The following PPP2R5E variants were observed in gnomAD, a reference collection of about 807,000 sequenced individuals.
The protein encoded by PPP2R5E is serine/threonine-protein phosphatase 2A 56 kDa regulatory subunit epsilon isoform.
Under a neutral mutation model 65.3 loss-of-function variants are expected in PPP2R5E, and 4 were observed. The ratio of observed to expected loss-of-function variants is 0.06; its 90% CI spans 0.03 to 0.14. The LOEUF (loss-of-function observed/expected upper bound fraction) is 0.14, where lower values mean the gene tolerates loss of function less well. PPP2R5E is among the 10% of genes least tolerant of loss of function. The pLI is 1.00. For missense variants in PPP2R5E, 274 were observed against 556.1 expected, an observed-to-expected ratio of 0.49 and a Z score of 5.10; for synonymous variants, 183 against 187.4, an observed-to-expected ratio of 0.98 and a Z score of 0.19.
intron 10 of PPP2R5E, 103 bp downstream of exon 10, chr14:63,391,714 C>T (rs188748215): frequency 2.5e-4 from 323 of 1,280,678 alleles, no homozygotes; most frequent in Non-Finnish European, 3.4e-4. Context: ...TGAGCCACTG[C>T]GCCCAGCCCT....
intron 2 of PPP2R5E, among the ~76,000 whole-genome samples, chr14:63,481,311 C>G (rs1890686094): frequency 6.6e-6 from 1 of 152,010 alleles, no homozygotes; most frequent in African/African-American, 2.4e-5. Context: ...AGCTGGCCAA[C>G]ATGCTGAAAC....
intron 12 of PPP2R5E, among the ~76,000 whole-genome samples, chr14:63,382,639 G>C (rs1884433933): frequency 6.6e-6 from 1 of 151,962 alleles, no homozygotes; most frequent in Non-Finnish European, 1.5e-5. Context: ...AACCTCAGGT[G>C]ATCTGCCTGC....
intron 2 of PPP2R5E, among the ~76,000 whole-genome samples, chr14:63,462,267 T>G (rs1011237593): frequency 6.6e-6 from 1 of 152,106 alleles, no homozygotes; most frequent in African/African-American, 2.4e-5. Context: ...AGATGGAGTT[T>G]CACCGTGTTA....
intron 2 of PPP2R5E, among the ~76,000 whole-genome samples, chr14:63,483,734 A>G (rs1234201280): frequency 6.6e-6 from 1 of 152,124 alleles, no homozygotes. Context: ...TTCCCACAAT[A>G]GGAAGAAAGG....
At chr14:63,459,850 C>T (rs1277137246) in intron 2 of PPP2R5E, among the ~76,000 whole-genome samples, 1 of 152,158 alleles carries the variant, frequency 6.6e-6, no homozygotes, top group Non-Finnish European at 1.5e-5. Flanking sequence ...TTAAAGCTAG[C>T]AGTGAAAACT....
chr14:63,483,896 A>G (rs1890839249), intron 2 of PPP2R5E, among the ~76,000 whole-genome samples: 1 of 152,120 alleles, frequency 6.6e-6, no homozygotes, highest in South Asian at 2.1e-4. Flanking sequence ...CAGCCTGGCC[A>G]ATATGGTGAA....
chr14:63,438,757 G>T (rs1888060851), intron 3 of PPP2R5E, among the ~76,000 whole-genome samples: 1 of 152,146 alleles, frequency 6.6e-6, no homozygotes, highest in Non-Finnish European at 1.5e-5. Context: ...GGCTTCCTGA[G>T]TAAAAACCCT....
At chr14:63,380,994 C>T (rs901001443) in intron 13 of PPP2R5E, among the ~76,000 whole-genome samples, 2 of 152,234 alleles carry the variant, frequency 1.3e-5, no homozygotes, top group East Asian at 1.9e-4. Context: ...TATGAACACT[C>T]GCACACATCT....
At chr14:63,450,576 A>G (rs1888766965) in intron 3 of PPP2R5E, among the ~76,000 whole-genome samples, 1 of 152,230 alleles carries the variant, frequency 6.6e-6, no homozygotes, top group Non-Finnish European at 1.5e-5. Flanking sequence ...GTATAATCCA[A>G]TGACATCCAA....
chr14:63,509,335 C>T lies in PPP2R5E; in HGVS notation c.157+30194G>A, dbSNP rs531882185. ...TATCACCCAGGCTGGAGTGCAGTGG[C>T]GCGATCTCAGCTCACTGCAACTTCT... On this transcript the variant is annotated intron_variant, in intron 2 of 13. Coordinates refer to ENST00000337537, the MANE Select transcript of PPP2R5E (RefSeq NM_006246.5). 1.8e-4 allele frequency among the ~76,000 whole-genome samples: 25 copies of T among 135,176 alleles called. No individual in the cohort carries two copies. The South Asian group carries it at 3.0e-3, about 16-fold the overall frequency. The allele number at this position is 135,176 out of a possible 152,430, so 88.7% of individuals were successfully genotyped here.
At chr14:63,396,496 G>A (rs1054447239) in intron 6 of PPP2R5E, 90 bp downstream of exon 6, 7 of 1,491,000 alleles carry the variant, frequency 4.7e-6, no homozygotes, top group Non-Finnish European at 6.4e-6. Flanking sequence ...AGAGAAGTCA[G>A]TACACCGTTT....
chr14:63,533,420 G>A (rs935772058), intron 2 of PPP2R5E, among the ~76,000 whole-genome samples: 1 of 151,962 alleles, frequency 6.6e-6, no homozygotes, highest in African/African-American at 2.4e-5. Flanking sequence ...AATTAGCCGG[G>A]CATGGAGGCG....
intron 2 of PPP2R5E, among the ~76,000 whole-genome samples, chr14:63,456,367 T>C (rs370529989): frequency 7.2e-5 from 11 of 152,244 alleles, no homozygotes; most frequent in African/African-American, 2.4e-4. Flanking sequence ...CACTTAGTCC[T>C]ATTTTTTAAT....
At chr14:63,500,565 A>T (rs1891821937) in intron 2 of PPP2R5E, among the ~76,000 whole-genome samples, 1 of 152,246 alleles carries the variant, frequency 6.6e-6, no homozygotes, top group African/African-American at 2.4e-5. Context: ...ACCATAAATG[A>T]ACCAATTAGA....
At chr14:63,415,963 ATTTCT>A (rs1886662711) in intron 4 of PPP2R5E, among the ~76,000 whole-genome samples, 1 of 152,178 alleles carries the variant, frequency 6.6e-6, no homozygotes. Context: ...TCACTGACAA[ATTTCT>A]TTTCAGAAAG....
intron 2 of PPP2R5E, among the ~76,000 whole-genome samples, chr14:63,489,012 A>T (rs901940333): frequency 6.6e-6 from 1 of 152,096 alleles, no homozygotes; most frequent in African/African-American, 2.4e-5. Flanking sequence ...AGATGAAGAA[A>T]TGGAAACCCA....
At chr14:63,392,920 G>A (rs1343792615) in intron 8 of PPP2R5E, among the ~76,000 whole-genome samples, 1 of 152,100 alleles carries the variant, frequency 6.6e-6, no homozygotes, top group Non-Finnish European at 1.5e-5. Flanking sequence ...CCAGTGACAT[G>A]GTGACCATGC....
chr14:63,418,693 A>G (rs1335200001), intron 4 of PPP2R5E, among the ~76,000 whole-genome samples: 4 of 149,820 alleles, frequency 2.7e-5, no homozygotes, highest in African/African-American at 9.9e-5. Flanking sequence ...CAGAAAATAC[A>G]TAAACAAGAT....
intron 2 of PPP2R5E, among the ~76,000 whole-genome samples, chr14:63,457,368 A>G (rs1399331028): frequency 6.6e-6 from 1 of 152,190 alleles, no homozygotes; most frequent in African/African-American, 2.4e-5. Flanking sequence ...CATAAAGAGA[A>G]TCTCATAAAA....
Sources: allele counts gnomAD v4.1 joint callset (sites outside exome capture counted in the v4.1 genomes callset), GRCh38; gene constraint gnomAD v4.1.1; transcripts MANE v1.5; gene names NCBI Gene and HGNC (gene_info 2026-07-23, HGNC 2026-07-21).